Variants in DPP4 observed in about 807,000 individuals in gnomAD.
The protein encoded by DPP4 is ADCP-2.
DPP4 carries 93 observed loss-of-function variants against 122.4 expected under a neutral mutation model. The observed-to-expected ratio is 0.76, with a 90% CI of 0.64 to 0.90. DPP4 has a LOEUF of 0.90. Ranked by LOEUF, DPP4 falls within the 40% of genes least tolerant of loss-of-function variation. DPP4 has a pLI of 0.00. For synonymous variants in DPP4, 321 were observed against 302.9 expected, an observed-to-expected ratio of 1.06 and a Z score of -0.62; for missense variants, 914 against 907.3, an observed-to-expected ratio of 1.01 and a Z score of -0.09.
chr2:162,062,295 A>C lies in DPP4; in HGVS notation c.94+11104T>G, dbSNP rs149958063. Among the ~76,000 whole-genome samples the C allele has an allele frequency of 9.9e-3, 1,504 of 152,238 alleles. 22 individuals carry two copies. The highest frequency in any genetic ancestry group is 0.035 in the African/African-American group (1,433 of 41,528). ...AGACTCCATCTCAAAATAAATAAATAAATAATAAATTAAAACAATTTTATC... is the reference window on the plus strand; with the variant it reads ...AGACTCCATCTCAAAATAAATAAATCAATAATAAATTAAAACAATTTTATC... On this transcript the variant is annotated intron_variant, in intron 2 of 25. Transcript: ENST00000360534.
chr2:162,021,839 G>A (rs761047293), intron 12 of DPP4, among the ~76,000 whole-genome samples: 4 of 152,092 alleles, frequency 2.6e-5, no homozygotes, highest in Non-Finnish European at 4.4e-5. Context: ...CTCTTGCCAT[G>A]GAGGAAACCA....
At chr2:162,044,379 C>T (rs3788979) in intron 5 of DPP4, among the ~76,000 whole-genome samples, 22,072 of 151,674 alleles carry the variant, frequency 0.15, 2,117 homozygotes, top group East Asian at 0.51. Flanking sequence ...GTTTGCTTGG[C>T]CTGAGTACAG....
At chr2:162,047,786 AAT>A (rs1684242185) in intron 2 of DPP4, among the ~76,000 whole-genome samples, 1 of 152,206 alleles carries the variant, frequency 6.6e-6, no homozygotes, top group Non-Finnish European at 1.5e-5. Flanking sequence ...ATAGAAATAG[AAT>A]GTGAGTATAT....
chr2:162,058,332 C>T (rs1007161361), intron 2 of DPP4, among the ~76,000 whole-genome samples: 1 of 152,196 alleles, frequency 6.6e-6, no homozygotes, highest in African/African-American at 2.4e-5. Flanking sequence ...CTCAGATCAT[C>T]ACCCCTGCTC....
intron 2 of DPP4, 25 bp from the exon 3 acceptor site, chr2:162,047,526 T>C (rs199900620): frequency 6.8e-7 from 1 of 1,478,562 alleles, no homozygotes; most frequent in South Asian, 1.3e-5. Flanking sequence ...GAGCCAAATG[T>C]TCATTTCAGT....
chr2:162,021,963 G>C (rs1162680099), intron 12 of DPP4, among the ~76,000 whole-genome samples: 1 of 152,046 alleles, frequency 6.6e-6, no homozygotes, highest in African/African-American at 2.4e-5. Flanking sequence ...TCTTGGACTG[G>C]GGACCTCACC....
chr2:162,020,512 T>G, intron 13 of DPP4, 69 bp downstream of exon 13: 1 of 1,240,184 alleles, frequency 8.1e-7, no homozygotes, highest in Non-Finnish European at 1.1e-6. Flanking sequence ...CCAAATGATT[T>G]CCACTTCAAG....
chr2:162,073,717 C>A (rs1170996812), intron 1 of DPP4: 13 of 670,084 alleles, frequency 1.9e-5, no homozygotes, highest in Non-Finnish European at 3.1e-5. Flanking sequence ...GTTTCTCTAC[C>A]CCTGCCCGGG....
Position 162,022,765 on chromosome 2 carries a change from C to A in DPP4, c.1058G>T (p.Trp353Leu), listed in dbSNP as rs946410578. ...RQHIEMSTTG[W>L]VGRFRPSEPH... ...ACTTATAACACTTACTCTTCCAACC[C>A]AGCCAGTAGTACTCATTTCAATGTG... The change falls in exon 12 of 26, where the codon TGG becomes TTG. Residue 353 changes from tryptophan to leucine, a missense_variant. Physicochemically the swap from Trp to Leu is moderately conservative, Grantham distance 61 (BLOSUM62 -2). Coordinates refer to ENST00000360534, the MANE Select transcript of DPP4 (RefSeq NM_001935.4). 6.2e-7 allele frequency: 1 copy of A among 1,614,024 alleles called. No individual in the cohort carries two copies. Among genetic ancestry groups the A allele is most frequent in the Non-Finnish European group, 8.5e-7 (1 of 1,179,992 alleles).
intron 2 of DPP4, among the ~76,000 whole-genome samples, chr2:162,059,506 T>C (rs187038249): frequency 2.6e-5 from 4 of 152,332 alleles, no homozygotes; most frequent in Non-Finnish European, 5.9e-5. Context: ...TCTTCACATA[T>C]ACTTAAAAGC....
intron 2 of DPP4, among the ~76,000 whole-genome samples, chr2:162,051,131 G>T (rs140218799): frequency 6.6e-6 from 1 of 151,928 alleles, no homozygotes; most frequent in Non-Finnish European, 1.5e-5. Flanking sequence ...AGCTTGAACC[G>T]CATGAAAATA....
intron 10 of DPP4, chr2:162,031,914 T>C (rs1204598247): frequency 2.6e-5 from 4 of 152,186 alleles, no homozygotes. Flanking sequence ...TTGAAACCTT[T>C]GGGTAAATTT....
Position 162,057,814 on chromosome 2 carries a change from C to A in DPP4, c.95-10313G>T, listed in dbSNP as rs566195736. 1.9e-4 allele frequency among the ~76,000 whole-genome samples: 29 copies of A among 152,190 alleles called. No individual in the cohort carries two copies. In the South Asian group the frequency reaches 5.6e-3, roughly 29 times the overall value. ...TTGAGACAGAGTCTTACTCTGTCACCCAGGCTGGAGTGCAGTGGCACAATC... is the reference window on the plus strand; with the variant it reads ...TTGAGACAGAGTCTTACTCTGTCACACAGGCTGGAGTGCAGTGGCACAATC... On this transcript the variant is annotated intron_variant, in intron 2 of 25. Coordinates refer to ENST00000360534, the MANE Select transcript of DPP4 (RefSeq NM_001935.4).
At chr2:162,073,355 C>G (rs764465386) in intron 2 of DPP4, 44 bp downstream of exon 2, 1 of 1,596,532 alleles carries the variant, frequency 6.3e-7, no homozygotes. Context: ...GGAGCCTGAC[C>G]TGAGCTCCAA....
rs1286203279 is a variant in DPP4, at chr2:162,011,942, C to T, written c.1683G>A (p.Leu561=). 3.1e-6 allele frequency: 5 copies of T among 1,613,592 alleles called. No homozygotes were observed. Among genetic ancestry groups the T allele is most frequent in the Non-Finnish European group, 3.4e-6 (4 of 1,179,708 alleles). ...CSQKADTVFR[L]NWATYLASTE... ...TGCTTGCAAGGTAAGTGGCCCAGTT[C>T]AGTCTGAAGACAGTGTCTGCTTTTT... is the stretch of plus-strand genomic sequence containing the variant. Residue 561 remains leucine, a synonymous_variant, in exon 20 of 26, where the codon CTG becomes CTA. Transcript: ENST00000360534.
intron 23 of DPP4, among the ~76,000 whole-genome samples, chr2:162,000,670 A>G (rs1482649864): frequency 6.6e-6 from 1 of 152,242 alleles, no homozygotes; most frequent in Non-Finnish European, 1.5e-5. Context: ...AGACTGCCAA[A>G]TCTATGACTG....
chr2:162,046,013 A>G (rs1253749549), intron 4 of DPP4, among the ~76,000 whole-genome samples: 1 of 152,208 alleles, frequency 6.6e-6, no homozygotes, highest in East Asian at 1.9e-4. Context: ...GTGAGAGGAC[A>G]ACAAATTAGA....
intron 8 of DPP4, among the ~76,000 whole-genome samples, chr2:162,037,966 G>A (rs1683839162): frequency 1.3e-5 from 2 of 152,218 alleles, no homozygotes; most frequent in South Asian, 4.1e-4. Flanking sequence ...TTTCGGGTTA[G>A]GTAGGCTTAA....
intron 10 of DPP4, among the ~76,000 whole-genome samples, chr2:162,029,705 G>GA (rs1354941370): frequency 6.6e-6 from 1 of 152,194 alleles, no homozygotes; most frequent in Non-Finnish European, 1.5e-5. Context: ...AGAGAGCAGG[G>GA]ATGGGGTATG....
Sources: allele counts gnomAD v4.1 joint callset (sites outside exome capture counted in the v4.1 genomes callset), GRCh38; gene constraint gnomAD v4.1.1; transcripts MANE v1.5; gene names NCBI Gene and HGNC (gene_info 2026-07-23, HGNC 2026-07-21).